Variants in FAM107B observed in about 807,000 individuals in gnomAD.
FAM107B encodes protein FAM107B.
In FAM107B, 21 loss-of-function variants were observed where a neutral mutation model predicts 31.5. That is an observed-to-expected ratio of 0.67 (90% CI 0.47 to 0.96). The LOEUF is 0.96. FAM107B is among the 40% of genes least tolerant of loss of function. FAM107B has a pLI of 0.00. For synonymous variants in FAM107B, 157 were observed against 141.5 expected (o/e 1.11, Z -0.78); for missense variants, 452 against 377.1 (o/e 1.20, Z -1.64).
rs1246865328 is a variant in FAM107B at position 14,519,207 on chromosome 10, GA to G, written c.*1982del. ...GAATTCTAGTTAAGCTCTAGGAACA[GA>G]AATGGTCCTTCTAAAGGAGCCTACC... is the stretch of plus-strand genomic sequence containing the variant. On this transcript the variant is annotated 3_prime_UTR_variant, in exon 5 of 5. Coordinates refer to ENST00000181796, the MANE Select transcript of FAM107B (RefSeq NM_031453.4). 1 of 151,818 alleles carries G rather than the reference GA, an allele frequency of 6.6e-6. No individual in the cohort carries two copies. Among genetic ancestry groups the G allele is most frequent in the Non-Finnish European group, 1.5e-5 (1 of 67,990 alleles). 9.4% of individuals were successfully genotyped at this position (151,818 alleles called of 1,614,324 possible). A position where few individuals can be genotyped will look rare whatever the true frequency, so the allele number is the denominator to read the frequency against.
At chr10:14,588,246 G>A (rs964888225) in intron 2 of FAM107B, among the ~76,000 whole-genome samples, 2 of 151,930 alleles carry the variant, frequency 1.3e-5, no homozygotes, top group African/African-American at 4.8e-5. Context: ...ATGCAGAAAA[G>A]GGGAAAAAAG....
chr10:14,676,361 T>A (rs1247349547), intron 1 of FAM107B, among the ~76,000 whole-genome samples: 4 of 152,174 alleles, frequency 2.6e-5, no homozygotes, highest in African/African-American at 9.7e-5. Context: ...GAATCTCTTA[T>A]ATAAGCCATC....
intron 2 of FAM107B, among the ~76,000 whole-genome samples, chr10:14,595,555 A>G (rs2131354282): frequency 6.6e-6 from 1 of 151,706 alleles, no homozygotes; most frequent in Non-Finnish European, 1.5e-5. Flanking sequence ...CCTCCCAAGT[A>G]GCTGGGACCA....
At chr10:14,652,498 A>G (rs182936364) in intron 2 of FAM107B, among the ~76,000 whole-genome samples, 105 of 152,296 alleles carry the variant, frequency 6.9e-4, no homozygotes, top group African/African-American at 2.4e-3. Flanking sequence ...TTGCCATGCA[A>G]CCTTGGTTAA....
intron 2 of FAM107B, among the ~76,000 whole-genome samples, chr10:14,632,008 A>G (rs747907201): frequency 3.9e-5 from 6 of 152,142 alleles, no homozygotes; most frequent in Non-Finnish European, 8.8e-5. Context: ...GATAAAATTA[A>G]GAAATCTGGC....
chr10:14,609,460 A>T (rs1027521033), intron 2 of FAM107B, among the ~76,000 whole-genome samples: 9 of 152,080 alleles, frequency 5.9e-5, no homozygotes, highest in Non-Finnish European at 1.2e-4. Flanking sequence ...GTCAGCTGAG[A>T]GCTACTCTCA....
At chr10:14,694,556 T>G (rs1215930522) in intron 1 of FAM107B, among the ~76,000 whole-genome samples, 1 of 152,208 alleles carries the variant, frequency 6.6e-6, no homozygotes, top group Non-Finnish European at 1.5e-5. Flanking sequence ...GCTAATTTTG[T>G]ATTTTTAGTA....
Position 14,525,523 on chromosome 10 carries a change from T to C in FAM107B, c.654-3504A>G, listed in dbSNP as rs80216951. ...CATCGCAAATGTTCTATGTGAACAG[T>C]GGCCCCAAAATTATGCAAAGTAGAG... On this transcript the variant is annotated intron_variant, in intron 3 of 4. Transcript: ENST00000181796. Among the ~76,000 whole-genome samples, 42 of 152,336 alleles carry C rather than the reference T, an allele frequency of 2.8e-4. No homozygotes were observed. The East Asian group carries it at 6.7e-3, about 24-fold the overall frequency.
intron 2 of FAM107B, chr10:14,653,749 G>C (rs530610687): frequency 3.4e-4 from 51 of 152,214 alleles, no homozygotes; most frequent in African/African-American, 1.2e-3. Flanking sequence ...ATGTAACCGC[G>C]GGAAACTTCA....
At chr10:14,530,925 C>G (rs1846912723) in intron 2 of FAM107B, among the ~76,000 whole-genome samples, 1 of 152,218 alleles carries the variant, frequency 6.6e-6, no homozygotes, top group Non-Finnish European at 1.5e-5. Flanking sequence ...ACACATGTGT[C>G]AGGAAAGAGG....
intron 1 of FAM107B, among the ~76,000 whole-genome samples, chr10:14,721,563 T>C (rs10906751): frequency 0.26 from 38,813 of 152,048 alleles, 5,619 homozygotes; most frequent in African/African-American, 0.4. Context: ...TGGTATCTCA[T>C]TGTGGTTTTG....
At chr10:14,764,296 T>C (rs1285344161) in intron 1 of FAM107B, among the ~76,000 whole-genome samples, 1 of 152,238 alleles carries the variant, frequency 6.6e-6, no homozygotes, top group African/African-American at 2.4e-5. Flanking sequence ...TGTTTTAAGT[T>C]ACAGGACTGT....
intron 1 of FAM107B, among the ~76,000 whole-genome samples, chr10:14,705,423 G>A (rs983210728): frequency 1.3e-5 from 2 of 152,202 alleles, no homozygotes; most frequent in South Asian, 2.1e-4. Flanking sequence ...CATGCTCCTA[G>A]CAGCATTGTC....
intron 3 of FAM107B, among the ~76,000 whole-genome samples, chr10:14,526,335 A>C (rs1351757563): frequency 6.6e-6 from 1 of 152,098 alleles, no homozygotes; most frequent in Non-Finnish European, 1.5e-5. Context: ...CACCACGCCC[A>C]GCTAATTTTT....
intron 2 of FAM107B, among the ~76,000 whole-genome samples, chr10:14,650,086 G>T (rs1316026578): frequency 4.6e-5 from 7 of 152,154 alleles, no homozygotes; most frequent in Non-Finnish European, 1.0e-4. Flanking sequence ...GTGCTCCCTG[G>T]AGGAAGCTTT....
intron 1 of FAM107B, among the ~76,000 whole-genome samples, chr10:14,764,844 CAA>C (rs753474088): frequency 1.6e-4 from 24 of 152,288 alleles, no homozygotes; most frequent in Non-Finnish European, 2.8e-4. Context: ...GTTATTTCAT[CAA>C]GAGACTGGAA....
chr10:14,521,072 T>C lies in FAM107B; in HGVS notation c.*118A>G, dbSNP rs867001165. On this transcript the variant is annotated 3_prime_UTR_variant, in exon 5 of 5. Transcript: ENST00000181796. ...GTAGGAAAATCAAACCAAATCCTAC[T>C]GCAAGTCAAAATTCTCTGCTGGCTG... 7 of 807,248 alleles carry C rather than the reference T, an allele frequency of 8.7e-6. No homozygotes were observed. The highest frequency in any genetic ancestry group is 7.0e-5 in the African/African-American group (4 of 57,218). 50.0% of individuals were successfully genotyped at this position (807,248 alleles called of 1,614,324 possible).
At chr10:14,627,325 T>G (rs551568629) in intron 2 of FAM107B, among the ~76,000 whole-genome samples, 2 of 152,238 alleles carry the variant, frequency 1.3e-5, no homozygotes, top group South Asian at 4.1e-4. Context: ...TTCAGAATAT[T>G]ATCATTAGAA....
intron 2 of FAM107B, chr10:14,571,853 A>G: frequency 1.0e-6 from 1 of 985,466 alleles, no homozygotes; most frequent in Non-Finnish European, 1.2e-6. Context: ...TTAGCCCAGG[A>G]AGTCATCCCC....
Sources: gnomAD v4.1 joint callset for allele counts (sites outside exome capture counted in the v4.1 genomes callset) on GRCh38, gnomAD v4.1.1 for gene constraint, MANE v1.5 for transcripts, NCBI Gene and HGNC (gene_info 2026-07-23, HGNC 2026-07-21) for gene names.